The following EXT1 variants were observed in gnomAD, a reference collection of about 807,000 sequenced individuals.
The protein encoded by EXT1 is exostosin-1.
Under a neutral mutation model 82.5 loss-of-function variants are expected in EXT1, and 20 were observed. That is an observed-to-expected ratio of 0.24 (90% CI 0.17 to 0.35). The LOEUF (loss-of-function observed/expected upper bound fraction) is 0.35, where lower values mean the gene tolerates loss of function less well. Ranked by LOEUF, EXT1 falls within the 10% of genes least tolerant of loss-of-function variation. EXT1 has a pLI of 1.00. For synonymous variants in EXT1, 348 were observed against 350.8 expected, an observed-to-expected ratio of 0.99 and a Z score of 0.09; for missense variants, 757 against 936.5, an observed-to-expected ratio of 0.81 and a Z score of 2.50.
chr8:117,896,630 C>A (rs1813343505), intron 1 of EXT1, among the ~76,000 whole-genome samples: 1 of 152,158 alleles, frequency 6.6e-6, no homozygotes, highest in Non-Finnish European at 1.5e-5. Context: ...TCCCCAGGAA[C>A]CCTCCTCTCT....
At chr8:117,925,276 T>G (rs570469436) in intron 1 of EXT1, among the ~76,000 whole-genome samples, 2 of 152,268 alleles carry the variant, frequency 1.3e-5, no homozygotes, top group East Asian at 3.9e-4. Context: ...GTCTCTCTTA[T>G]TCATCTCTCT....
chr8:118,073,285 C>A (rs1037967943), intron 1 of EXT1, among the ~76,000 whole-genome samples: 7 of 152,124 alleles, frequency 4.6e-5, no homozygotes, highest in African/African-American at 4.8e-5. Flanking sequence ...TGAAATGACA[C>A]CTCCATCGGT....
chr8:117,918,294 C>G (rs1407050689), intron 1 of EXT1, among the ~76,000 whole-genome samples: 1 of 152,172 alleles, frequency 6.6e-6, no homozygotes, highest in Non-Finnish European at 1.5e-5. Context: ...AGTGCCAGGT[C>G]CTGTGAGTAT....
chr8:118,111,107 C>A lies in EXT1; in HGVS notation c.-61G>T, dbSNP rs1052105844. The stretch of plus-strand genomic sequence containing the variant: ...ACAAGAATCACCCAAGTTTCCCAAT[C>A]AACACTTTCAGCTCCAGTCCGCCAT... On this transcript the variant is annotated 5_prime_UTR_variant, in exon 1 of 11. Coordinates refer to ENST00000378204, the MANE Select transcript of EXT1 (RefSeq NM_000127.3). The A allele has an allele frequency of 2.6e-6, 4 of 1,537,676 alleles. No homozygotes were observed. The highest frequency in any genetic ancestry group is 2.7e-5 in the African/African-American group (2 of 73,114).
chr8:118,000,512 G>C (rs963919937), intron 1 of EXT1, among the ~76,000 whole-genome samples: 1 of 152,180 alleles, frequency 6.6e-6, no homozygotes, highest in Non-Finnish European at 1.5e-5. Context: ...GTGATCTCTT[G>C]TCTTCCTGCC....
chr8:117,835,653 C>T (rs1304201766), intron 2 of EXT1, 102 bp from the exon 3 acceptor site: 1 of 857,632 alleles, frequency 1.2e-6, no homozygotes, highest in Non-Finnish European at 2.0e-6. Flanking sequence ...GCATTTTTGA[C>T]ACTGCATGAA....
chr8:117,931,775 C>G (rs1814065892), intron 1 of EXT1, among the ~76,000 whole-genome samples: 1 of 152,204 alleles, frequency 6.6e-6, no homozygotes, highest in Admixed American at 6.5e-5. Context: ...TATTTCTTTA[C>G]CAGGACATCA....
intron 1 of EXT1, among the ~76,000 whole-genome samples, chr8:118,098,191 G>A (rs1250264226): frequency 6.6e-6 from 1 of 152,134 alleles, no homozygotes; most frequent in Non-Finnish European, 1.5e-5. Context: ...AATCCGTCAG[G>A]ACACTGAAAT....
At chr8:118,066,364 A>ATTTATTTATTTATTTTTTTT (rs1563645330) in intron 1 of EXT1, among the ~76,000 whole-genome samples, 7 of 149,916 alleles carry the variant, frequency 4.7e-5, no homozygotes, top group Admixed American at 6.7e-5. Flanking sequence ...TTATTTATTT[A>ATTTATTTATTTATTTTTTTT]TTTATTTATT....
intron 7 of EXT1, among the ~76,000 whole-genome samples, chr8:117,815,142 G>A (rs907509449): frequency 6.6e-6 from 1 of 152,166 alleles, no homozygotes; most frequent in Non-Finnish European, 1.5e-5. Context: ...TCCTGATACT[G>A]TTTACATGTC....
At chr8:118,102,652 C>T (rs911380219) in intron 1 of EXT1, among the ~76,000 whole-genome samples, 6 of 152,118 alleles carry the variant, frequency 3.9e-5, no homozygotes, top group African/African-American at 1.2e-4. Flanking sequence ...ATCCAGGGTA[C>T]TTGGATATGC....
chr8:117,907,972 T>A (rs1020402626), intron 1 of EXT1, among the ~76,000 whole-genome samples: 1 of 152,232 alleles, frequency 6.6e-6, no homozygotes, highest in Non-Finnish European at 1.5e-5. Context: ...ACCTACCTCT[T>A]CATCACTTGT....
At position 118,091,723 on chromosome 8, in the gene EXT1, C is replaced by T. The variant is rs141013314; in HGVS notation, c.962+18362G>A. 3.9e-4 allele frequency among the ~76,000 whole-genome samples: 60 copies of T among 151,972 alleles called. 1 individual carries two copies. Among genetic ancestry groups the T allele is most frequent in the African/African-American group, 1.3e-3 (53 of 41,436 alleles). ...TCGCACCATTGCACTCCAGCCTGGG[C>T]GACAGAGCGAGACTCCATCTCACAA... On this transcript the variant is annotated intron_variant, in intron 1 of 10. Coordinates refer to ENST00000378204, the MANE Select transcript of EXT1 (RefSeq NM_000127.3).
intron 1 of EXT1, among the ~76,000 whole-genome samples, chr8:118,096,577 A>C (rs1023957021): frequency 6.6e-6 from 1 of 150,820 alleles, no homozygotes; most frequent in African/African-American, 2.4e-5. Flanking sequence ...GCCTGGCGAC[A>C]GAGCAAGACT....
At chr8:117,865,193 G>C (rs1812755009) in intron 1 of EXT1, among the ~76,000 whole-genome samples, 1 of 151,972 alleles carries the variant, frequency 6.6e-6, no homozygotes. Context: ...TTTGAGACAG[G>C]GTCTTGCTTT....
chr8:118,032,236 CAGA>C (rs1258807602), intron 1 of EXT1, among the ~76,000 whole-genome samples: 3 of 151,396 alleles, frequency 2.0e-5, no homozygotes, highest in Non-Finnish European at 4.4e-5. Flanking sequence ...GTCCCCGGAG[CAGA>C]AACAGCAGGA....
At chr8:118,081,893 T>C (rs962202182) in intron 1 of EXT1, among the ~76,000 whole-genome samples, 3 of 152,138 alleles carry the variant, frequency 2.0e-5, no homozygotes, top group Non-Finnish European at 2.9e-5. Context: ...CCTCTTAAAA[T>C]TGTCACAAAA....
At chr8:117,803,369 G>C (rs1315538895) in intron 10 of EXT1, among the ~76,000 whole-genome samples, 2 of 151,842 alleles carry the variant, frequency 1.3e-5, no homozygotes, top group African/African-American at 4.8e-5. Flanking sequence ...CTAATTTTTT[G>C]TATTTTTAGT....
intron 1 of EXT1, among the ~76,000 whole-genome samples, chr8:117,914,552 A>G (rs973289761): frequency 6.6e-6 from 1 of 152,178 alleles, no homozygotes; most frequent in Non-Finnish European, 1.5e-5. Context: ...ATATCACTGA[A>G]TTCTCTTCCT....
Sources: allele counts gnomAD v4.1 joint callset (sites outside exome capture counted in the v4.1 genomes callset), GRCh38; gene constraint gnomAD v4.1.1; transcripts MANE v1.5; gene names NCBI Gene and HGNC (gene_info 2026-07-23, HGNC 2026-07-21).